Variants in LARGE1 observed in about 807,000 individuals in gnomAD.
LARGE1 encodes LARGE xylosyl- and glucuronyltransferase 1.
Under a neutral mutation model 87.6 loss-of-function variants are expected in LARGE1, and 43 were observed. The ratio of observed to expected loss-of-function variants is 0.49; its 90% CI spans 0.38 to 0.63. The LOEUF (loss-of-function observed/expected upper bound fraction) is 0.63. Among genes scored for constraint, LARGE1 ranks in the 30% least tolerant of loss-of-function variants. The pLI, the probability that LARGE1 is intolerant of heterozygous loss-of-function variation, is 0.00. For synonymous variants in LARGE1, 434 were observed against 394.6 expected, an observed-to-expected ratio of 1.10 and a Z score of -1.18; for missense variants, 802 against 1,000.2, an observed-to-expected ratio of 0.80 and a Z score of 2.67.
intron 3 of LARGE1, among the ~76,000 whole-genome samples, chr22:33,640,850 C>T (rs1363935576): frequency 1.3e-5 from 2 of 152,176 alleles, no homozygotes; most frequent in Non-Finnish European, 2.9e-5. Context: ...CACCTGGGGC[C>T]AGACTGTCTC....
At chr22:33,607,666 C>G (rs1377781283) in intron 4 of LARGE1, among the ~76,000 whole-genome samples, 9 of 152,156 alleles carry the variant, frequency 5.9e-5, no homozygotes, top group African/African-American at 2.2e-4. Flanking sequence ...GACAGTGAGT[C>G]TGGGATTGGG....
intron 11 of LARGE1, among the ~76,000 whole-genome samples, chr22:33,193,490 T>C (rs1056774994): frequency 2.0e-5 from 3 of 152,210 alleles, no homozygotes; most frequent in Admixed American, 6.5e-5. Context: ...TAATGTGCTA[T>C]ACAGTGCATT....
intron 4 of LARGE1, among the ~76,000 whole-genome samples, chr22:33,625,894 A>G (rs2079905411): frequency 6.6e-6 from 1 of 152,228 alleles, no homozygotes; most frequent in Admixed American, 6.5e-5. Flanking sequence ...TGTGGTGGAC[A>G]TAACTCAATC....
intron 2 of LARGE1, among the ~76,000 whole-genome samples, chr22:33,696,365 G>A (rs972107165): frequency 2.7e-5 from 4 of 150,182 alleles, no homozygotes; most frequent in African/African-American, 7.4e-5. Context: ...TGGTTTCAAG[G>A]GATTCTCCTG....
chr22:33,078,254 C>A, the LARGE1 span, among the ~76,000 whole-genome samples: 1 of 152,148 alleles, frequency 6.6e-6, no homozygotes, highest in African/African-American at 2.4e-5. Context: ...TCTAAGTCTG[C>A]CAAATTGTCA....
At chr22:33,901,758 T>C (rs563584819) in intron 1 of LARGE1, among the ~76,000 whole-genome samples, 4 of 152,334 alleles carry the variant, frequency 2.6e-5, no homozygotes, top group East Asian at 3.9e-4. Context: ...TGATGATACA[T>C]GGATGACTTA....
At chr22:33,130,742 C>T in the LARGE1 span, among the ~76,000 whole-genome samples, 1 of 152,020 alleles carries the variant, frequency 6.6e-6, no homozygotes, top group South Asian at 2.1e-4. Flanking sequence ...AAGAACGGGA[C>T]AGGTGAGAAA....
At chr22:33,856,962 G>T (rs555471374) in intron 1 of LARGE1, among the ~76,000 whole-genome samples, 1 of 151,912 alleles carries the variant, frequency 6.6e-6, no homozygotes, top group Admixed American at 6.6e-5. Flanking sequence ...ACAGAGTCTC[G>T]CTCTGTTGCC....
At chr22:33,503,249 T>A (rs1441809381) in intron 6 of LARGE1, among the ~76,000 whole-genome samples, 1 of 150,572 alleles carries the variant, frequency 6.6e-6, no homozygotes, top group Non-Finnish European at 1.5e-5. Flanking sequence ...CCCCTTTTTT[T>A]TTTTTTTTTG....
chr22:33,649,677 C>G (rs1398747742), intron 3 of LARGE1, among the ~76,000 whole-genome samples: 1 of 152,168 alleles, frequency 6.6e-6, no homozygotes, highest in Non-Finnish European at 1.5e-5. Flanking sequence ...CTCAAAAGGC[C>G]TTCCTATGAA....
chr22:33,846,772 T>C (rs760987004), intron 1 of LARGE1, among the ~76,000 whole-genome samples: 9 of 152,162 alleles, frequency 5.9e-5, no homozygotes, highest in South Asian at 4.1e-4. Flanking sequence ...CAGTCTCCCA[T>C]AGCGCTCCCA....
intron 1 of LARGE1, among the ~76,000 whole-genome samples, chr22:33,860,960 G>A (rs564001196): frequency 6.6e-6 from 1 of 152,118 alleles, no homozygotes; most frequent in Non-Finnish European, 1.5e-5. Flanking sequence ...CCTCAGCAAG[G>A]TCCTTGGAGT....
intron 7 of LARGE1, among the ~76,000 whole-genome samples, chr22:33,402,412 T>G (rs2065954715): frequency 6.6e-6 from 1 of 152,180 alleles, no homozygotes; most frequent in Non-Finnish European, 1.5e-5. Context: ...GATTTGGTAC[T>G]TTTTGCTGCT....
chr22:33,578,838 G>C (rs1038951714), intron 5 of LARGE1, among the ~76,000 whole-genome samples: 2 of 152,092 alleles, frequency 1.3e-5, no homozygotes, highest in African/African-American at 4.8e-5. Context: ...AGTAAAATCA[G>C]GAAAGACAAA....
At chr22:33,249,844 C>T (rs993756716) in intron 11 of LARGE1, among the ~76,000 whole-genome samples, 1 of 152,178 alleles carries the variant, frequency 6.6e-6, no homozygotes, top group Non-Finnish European at 1.5e-5. Flanking sequence ...GATCAGCTGA[C>T]TATATTTATG....
chr22:33,847,405 AT>A (rs1285170711), intron 1 of LARGE1, among the ~76,000 whole-genome samples: 17 of 152,376 alleles, frequency 1.1e-4, no homozygotes, highest in African/African-American at 4.1e-4. Flanking sequence ...CCCAAACTGC[AT>A]TCAACTACCA....
intron 1 of LARGE1, among the ~76,000 whole-genome samples, chr22:33,918,318 G>C (rs918664473): frequency 6.6e-6 from 1 of 152,106 alleles, no homozygotes; most frequent in East Asian, 1.9e-4. Context: ...AGAGCAATCC[G>C]ATCTTCCCGT....
At chr22:33,707,748 G>A (rs1044127067) in intron 2 of LARGE1, among the ~76,000 whole-genome samples, 1 of 152,166 alleles carries the variant, frequency 6.6e-6, no homozygotes, top group Non-Finnish European at 1.5e-5. Context: ...GTTTCCAGAT[G>A]GAGCTGCCTC....
chr22:33,159,522 A>T (rs1010889524), downstream of LARGE1, among the ~76,000 whole-genome samples: 2 of 152,112 alleles, frequency 1.3e-5, no homozygotes, highest in South Asian at 4.1e-4. Flanking sequence ...ACAAATACTC[A>T]TTGATAGACT....
Sources: gnomAD v4.1 joint callset for allele counts (sites outside exome capture counted in the v4.1 genomes callset) on GRCh38, gnomAD v4.1.1 for gene constraint, MANE v1.5 for transcripts, NCBI Gene and HGNC (gene_info 2026-07-23, HGNC 2026-07-21) for gene names.